Variants in MRAS observed in about 807,000 individuals in gnomAD.
The protein encoded by MRAS is muscle RAS oncogene homolog, also known as ras-related protein M-Ras.
Under a neutral mutation model 20.9 loss-of-function variants are expected in MRAS, and 4 were observed. That is an observed-to-expected ratio of 0.19 (90% CI 0.09 to 0.44). The LOEUF (loss-of-function observed/expected upper bound fraction) is 0.44. Ranked by LOEUF, MRAS falls within the 20% of genes least tolerant of loss-of-function variation. The pLI, the probability that MRAS is intolerant of heterozygous loss-of-function variation, is 0.99. For synonymous variants in MRAS, 98 were observed against 102.9 expected, an observed-to-expected ratio of 0.95 and a Z score of 0.29; for missense variants, 154 against 277.5, an observed-to-expected ratio of 0.56 and a Z score of 3.16.
intron 1 of MRAS, among the ~76,000 whole-genome samples, chr3:138,365,411 C>T (rs1472228450): frequency 1.3e-5 from 2 of 152,182 alleles, no homozygotes; most frequent in Non-Finnish European, 2.9e-5. Context: ...TATGAGGAAG[C>T]ATGTGGTACT....
At chr3:138,371,814 T>C (rs541761006) in intron 1 of MRAS, among the ~76,000 whole-genome samples, 925 of 88,284 alleles carry the variant, frequency 0.01, 7 homozygotes, top group African/African-American at 0.032. Context: ...TCAGCCTCCT[T>C]CTGGAAACTC....
chr3:138,379,547 G>A (rs994493721), intron 2 of MRAS, among the ~76,000 whole-genome samples: 6 of 152,084 alleles, frequency 3.9e-5, no homozygotes, highest in African/African-American at 1.4e-4. Context: ...TAGTAGAGAT[G>A]GGGTTTCACC....
In MRAS at chr3:138,377,219, G is replaced by C. The variant is rs112380502; in HGVS notation, c.193+4143G>C. On this transcript the variant is annotated intron_variant, in intron 2 of 5. Transcript: ENST00000423968. Reference sequence around the variant, plus strand: ...TAATTCTGCCACCAGAGTCAGGCCCGATTTAGGGCATTGCCCACCCAGGCC... The same window carrying C: ...TAATTCTGCCACCAGAGTCAGGCCCCATTTAGGGCATTGCCCACCCAGGCC... 1.1e-4 allele frequency among the ~76,000 whole-genome samples: 17 copies of C among 152,328 alleles called. No homozygotes were observed. The East Asian group carries it at 3.3e-3, about 29-fold the overall frequency.
At chr3:138,370,409 A>C (rs988241679) in intron 1 of MRAS, among the ~76,000 whole-genome samples, 8 of 152,138 alleles carry the variant, frequency 5.3e-5, no homozygotes, top group Non-Finnish European at 1.2e-4. Context: ...GGCAGTGAGG[A>C]GTGAACCCCA....
At chr3:138,366,596 A>G (rs1341870578) in intron 1 of MRAS, among the ~76,000 whole-genome samples, 1 of 152,238 alleles carries the variant, frequency 6.6e-6, no homozygotes, top group Non-Finnish European at 1.5e-5. Context: ...GGAAGCAGCA[A>G]CAATGATGAA....
At chr3:138,391,401 C>T (rs532748351) in intron 2 of MRAS, among the ~76,000 whole-genome samples, 98 of 152,268 alleles carry the variant, frequency 6.4e-4, no homozygotes, top group African/African-American at 2.3e-3. Flanking sequence ...TTCTCTTATA[C>T]TCTTGTTTCT....
chr3:138,385,462 T>G (rs1463214468), intron 2 of MRAS, among the ~76,000 whole-genome samples: 1 of 150,862 alleles, frequency 6.6e-6, no homozygotes, highest in Non-Finnish European at 1.5e-5. Flanking sequence ...TGTAAATTTT[T>G]TTGTTTCATT....
chr3:138,373,907 T>TTATTTATTTATC (rs1254824721), intron 2 of MRAS, among the ~76,000 whole-genome samples: 1 of 151,272 alleles, frequency 6.6e-6, no homozygotes, highest in Middle Eastern at 3.4e-3. Flanking sequence ...ATTTATTTGT[T>TTATTTATTTATC]TATTTGGGTC....
intron 1 of MRAS, among the ~76,000 whole-genome samples, chr3:138,370,746 C>G (rs1435609000): frequency 1.3e-5 from 2 of 152,138 alleles, no homozygotes. Context: ...TAGTGTTAAA[C>G]TTTTCCAGTA....
intron 2 of MRAS, among the ~76,000 whole-genome samples, chr3:138,381,777 C>G (rs1292396363): frequency 6.6e-6 from 1 of 152,232 alleles, no homozygotes; most frequent in African/African-American, 2.4e-5. Context: ...CTGGCTTCTG[C>G]CCAAACCTCA....
chr3:138,376,292 C>T (rs1406427058), intron 2 of MRAS, among the ~76,000 whole-genome samples: 13 of 152,194 alleles, frequency 8.5e-5, no homozygotes. Flanking sequence ...CTGACCAAAC[C>T]ATTGACACTA....
chr3:138,381,462 T>C (rs1023565962), intron 2 of MRAS, among the ~76,000 whole-genome samples: 2 of 152,254 alleles, frequency 1.3e-5, no homozygotes, highest in Non-Finnish European at 2.9e-5. Flanking sequence ...GCCTTGGGCC[T>C]TTAAGGTGGG....
intron 1 of MRAS, among the ~76,000 whole-genome samples, chr3:138,362,874 C>T (rs552149806): frequency 1.1e-4 from 17 of 152,250 alleles, no homozygotes; most frequent in African/African-American, 2.9e-4. Context: ...CTCTTACCCC[C>T]GACACCCATC....
chr3:138,385,732 C>A (rs2054997882), intron 2 of MRAS, among the ~76,000 whole-genome samples: 1 of 152,054 alleles, frequency 6.6e-6, no homozygotes, highest in Admixed American at 6.5e-5. Context: ...CCAGGCTGGT[C>A]TCGAACTCCT....
intron 2 of MRAS, among the ~76,000 whole-genome samples, chr3:138,381,907 A>G (rs2054913100): frequency 6.6e-6 from 1 of 152,168 alleles, no homozygotes; most frequent in Non-Finnish European, 1.5e-5. Context: ...CAGGGAGAGG[A>G]AAAGGAACGT....
chr3:138,364,408 A>G (rs1327867152), intron 1 of MRAS, among the ~76,000 whole-genome samples: 1 of 152,240 alleles, frequency 6.6e-6, no homozygotes, highest in African/African-American at 2.4e-5. Flanking sequence ...GCAGCTTTTC[A>G]CAGCCACCAT....
intron 2 of MRAS, among the ~76,000 whole-genome samples, chr3:138,373,915 GTCT>G (rs2054727066): frequency 2.3e-5 from 2 of 88,650 alleles, no homozygotes; most frequent in South Asian, 3.2e-4. Flanking sequence ...GTTTATTTGG[GTCT>G]TCTTTCTCTT....
Position 138,404,140 on chromosome 3 carries a change from G to A in MRAS, c.*1871G>A, listed in dbSNP as rs534643197. 1 of 152,320 alleles carries A rather than the reference G, an allele frequency of 6.6e-6. No homozygotes were observed. Among genetic ancestry groups the A allele is most frequent in the Admixed American group, 6.5e-5 (1 of 15,290 alleles). 9.4% of individuals were successfully genotyped at this position (152,320 alleles called of 1,614,324 possible). A position where few individuals can be genotyped will look rare whatever the true frequency, so the allele number is the denominator to read the frequency against. On this transcript the variant is annotated 3_prime_UTR_variant, in exon 6 of 6. Transcript: ENST00000423968. ...TTAAGAGGTATTTTAAACACTAAAA[G>A]GACAAAGCTCTTCCCAATCCTTATG... is the stretch of plus-strand genomic sequence containing the variant.
intron 1 of MRAS, among the ~76,000 whole-genome samples, chr3:138,365,780 C>T (rs1016776395): frequency 2.0e-5 from 3 of 152,154 alleles, no homozygotes. Context: ...GTTCTGCTGC[C>T]AAGAGTACTG....
Sources: allele counts gnomAD v4.1 joint callset (sites outside exome capture counted in the v4.1 genomes callset), GRCh38; gene constraint gnomAD v4.1.1; transcripts MANE v1.5; gene names NCBI Gene and HGNC (gene_info 2026-07-23, HGNC 2026-07-21).